The following SLC24A2 variants were observed in gnomAD, a reference collection of about 807,000 sequenced individuals.
The protein encoded by SLC24A2 is solute carrier family 24 member 2.
In SLC24A2, 36 loss-of-function variants were observed where a neutral mutation model predicts 62.0. The observed-to-expected ratio is 0.58, with a 90% CI of 0.44 to 0.77. The LOEUF (loss-of-function observed/expected upper bound fraction) is 0.77, where lower values mean the gene tolerates loss of function less well. SLC24A2 is among the 30% of genes least tolerant of loss of function. The pLI is 0.00. For synonymous variants in SLC24A2, 358 were observed against 294.0 expected, an observed-to-expected ratio of 1.22 and a Z score of -2.23; for missense variants, 846 against 817.9, an observed-to-expected ratio of 1.03 and a Z score of -0.42.
chr9:19,798,025 G>C, the SLC24A2 span, among the ~76,000 whole-genome samples: 4 of 152,148 alleles, frequency 2.6e-5, no homozygotes, highest in Non-Finnish European at 5.9e-5. Flanking sequence ...CTTTAGGTCA[G>C]AGGTCTTGTA....
At chr9:20,062,663 C>T in the SLC24A2 span, among the ~76,000 whole-genome samples, 90 of 135,700 alleles carry the variant, frequency 6.6e-4, 1 homozygote, top group East Asian at 2.4e-3. Flanking sequence ...AACTAAAGAG[C>T]TTCTGCACAG....
At chr9:19,641,668 C>T (rs1818497976) in intron 2 of SLC24A2, among the ~76,000 whole-genome samples, 2 of 152,076 alleles carry the variant, frequency 1.3e-5, no homozygotes, top group Non-Finnish European at 2.9e-5. Flanking sequence ...GTGCGTGCCA[C>T]CGTGCCCGGC....
the SLC24A2 span, among the ~76,000 whole-genome samples, chr9:20,008,148 AGCC>A: frequency 6.6e-6 from 1 of 151,598 alleles, no homozygotes; most frequent in Non-Finnish European, 1.5e-5. Flanking sequence ...CACCCACCTC[AGCC>A]TCCCAAAGTG....
the SLC24A2 span, among the ~76,000 whole-genome samples, chr9:19,905,914 T>C: frequency 1.3e-5 from 2 of 152,230 alleles, no homozygotes; most frequent in East Asian, 3.9e-4. Flanking sequence ...ATTAGACAGA[T>C]CAACGAGACA....
the SLC24A2 span, among the ~76,000 whole-genome samples, chr9:20,202,790 C>G: frequency 6.6e-6 from 1 of 152,180 alleles, no homozygotes; most frequent in East Asian, 1.9e-4. Flanking sequence ...AATAAAACCT[C>G]TTAAACCCTG....
At chr9:20,074,728 TCAAGCTG>T in the SLC24A2 span, among the ~76,000 whole-genome samples, 1 of 152,036 alleles carries the variant, frequency 6.6e-6, no homozygotes, top group East Asian at 1.9e-4. Context: ...TCAATATAGA[TCAAGCTG>T]CTATTTAATA....
At chr9:20,101,559 T>G in the SLC24A2 span, among the ~76,000 whole-genome samples, 10 of 152,308 alleles carry the variant, frequency 6.6e-5, no homozygotes, top group South Asian at 2.1e-4. Context: ...TCCTAAAGGC[T>G]GCCCCACCCA....
At chr9:20,259,309 G>T in the SLC24A2 span, among the ~76,000 whole-genome samples, 1 of 152,094 alleles carries the variant, frequency 6.6e-6, no homozygotes, top group Non-Finnish European at 1.5e-5. Context: ...GTGGTAATTT[G>T]TTGCATCAGC....
chr9:19,776,060 T>A (rs943263530), intron 2 of SLC24A2, among the ~76,000 whole-genome samples: 2 of 152,252 alleles, frequency 1.3e-5, no homozygotes, highest in Non-Finnish European at 2.9e-5. Flanking sequence ...TTTATATGGA[T>A]ATGTAAATAT....
the SLC24A2 span, among the ~76,000 whole-genome samples, chr9:20,048,463 G>C: frequency 2.0e-5 from 3 of 152,018 alleles, no homozygotes; most frequent in Non-Finnish European, 4.4e-5. Context: ...TAGACTGAAA[G>C]AAATCAGCCC....
At chr9:19,787,499 A>G (rs867005704) in intron 1 of SLC24A2, among the ~76,000 whole-genome samples, 30 of 152,214 alleles carry the variant, frequency 2.0e-4, no homozygotes, top group African/African-American at 7.0e-4. Flanking sequence ...TCTCAGTTGT[A>G]GGCAACTTTT....
At chr9:19,636,315 T>TTTTCTTTTCTTTTCTTTTCTTTCTCTC in intron 2 of SLC24A2, among the ~76,000 whole-genome samples, 1 of 40,328 alleles carries the variant, frequency 2.5e-5, no homozygotes, top group Non-Finnish European at 4.7e-5. Context: ...TTTTCTTTTC[T>TTTTCTTTTCTTTTCTTTTCTTTCTCTC]TTTCTTTCTT....
At chr9:19,531,143 A>G (rs1229501364) in intron 8 of SLC24A2, among the ~76,000 whole-genome samples, 1 of 152,200 alleles carries the variant, frequency 6.6e-6, no homozygotes, top group Non-Finnish European at 1.5e-5. Flanking sequence ...CTTTGGAAGT[A>G]TCAACGTTTC....
the SLC24A2 span, among the ~76,000 whole-genome samples, chr9:19,803,695 T>C: frequency 6.6e-6 from 1 of 152,118 alleles, no homozygotes; most frequent in African/African-American, 2.4e-5. Context: ...TCAGAAGAGA[T>C]GAGAAATGAG....
Position 19,714,428 on chromosome 9 carries a change from T to C in SLC24A2, c.930+71509A>G, listed in dbSNP as rs186874317. On this transcript the variant is annotated intron_variant, in intron 2 of 10. Transcript: ENST00000341998. Reference sequence around the variant, plus strand: ...CCCTTTCAGGGTTATCTTGATTCTTTAAAATAAAACAAAATAAAATAAAAT... The same window carrying C: ...CCCTTTCAGGGTTATCTTGATTCTTCAAAATAAAACAAAATAAAATAAAAT... Among the ~76,000 whole-genome samples the C allele has an allele frequency of 6.4e-3, 964 of 150,720 alleles. 4 individuals are homozygous for C. The highest frequency in any genetic ancestry group is 9.6e-3 in the Non-Finnish European group (643 of 67,158).
At chr9:19,545,072 G>A (rs1408861504) in intron 8 of SLC24A2, among the ~76,000 whole-genome samples, 1 of 152,116 alleles carries the variant, frequency 6.6e-6, no homozygotes, top group African/African-American at 2.4e-5. Flanking sequence ...CCAATCAGAG[G>A]TGGATTTGAT....
chr9:19,513,420 T>G lies in SLC24A2; in HGVS notation c.*2733A>C, dbSNP rs908618403. 3.3e-5 allele frequency: 5 copies of G among 152,076 alleles called. No homozygotes were observed. Among genetic ancestry groups the G allele is most frequent in the Admixed American group, 1.3e-4 (2 of 15,236 alleles). 9.4% of individuals were successfully genotyped at this position (152,076 alleles called of 1,614,324 possible). ...AGCAAGGGCAGGCTGTGGAATCACT[T>G]GTGTCCCATCCAGTGAGGGAGCAGT... On this transcript the variant is annotated 3_prime_UTR_variant, in exon 11 of 11. Coordinates refer to ENST00000341998, the MANE Select transcript of SLC24A2 (RefSeq NM_020344.4).
intron 7 of SLC24A2, among the ~76,000 whole-genome samples, chr9:19,552,782 G>A (rs553482545): frequency 2.6e-4 from 40 of 152,256 alleles, no homozygotes; most frequent in African/African-American, 7.5e-4. Flanking sequence ...TATAACCTAC[G>A]GATTAGCTCC....
the SLC24A2 span, among the ~76,000 whole-genome samples, chr9:20,044,116 C>CTT: frequency 6.0e-5 from 9 of 149,696 alleles, no homozygotes; most frequent in Non-Finnish European, 7.4e-5. Flanking sequence ...ATCACTAGCA[C>CTT]TTTTTTTTTT....
Sources: allele counts gnomAD v4.1 joint callset (sites outside exome capture counted in the v4.1 genomes callset), GRCh38; gene constraint gnomAD v4.1.1; transcripts MANE v1.5; gene names NCBI Gene and HGNC (gene_info 2026-07-23, HGNC 2026-07-21).